The following ROBO2 variants were observed in gnomAD, a reference collection of about 807,000 sequenced individuals.
ROBO2 encodes roundabout homolog 2.
ROBO2 carries 53 observed loss-of-function variants against 160.8 expected under a neutral mutation model. The observed-to-expected ratio is 0.33, with a 90% confidence interval of 0.26 to 0.41. The LOEUF (loss-of-function observed/expected upper bound fraction) is 0.41. ROBO2 is among the 10% of genes least tolerant of loss of function. The pLI is 1.00. For synonymous variants in ROBO2, 664 were observed against 611.7 expected, an observed-to-expected ratio of 1.09 and a Z score of -1.26; for missense variants, 1,577 against 1,722.4, an observed-to-expected ratio of 0.92 and a Z score of 1.49.
intron 2 of ROBO2, among the ~76,000 whole-genome samples, chr3:76,212,593 A>G (rs543424479): frequency 2.0e-5 from 3 of 152,270 alleles, no homozygotes; most frequent in Non-Finnish European, 4.4e-5. Context: ...GTGTAAAAAA[A>G]TAGTGTCATT....
At chr3:76,089,642 A>G (rs2069148218) in intron 2 of ROBO2, among the ~76,000 whole-genome samples, 1 of 152,146 alleles carries the variant, frequency 6.6e-6, no homozygotes, top group Non-Finnish European at 1.5e-5. Flanking sequence ...CATTCATGAT[A>G]AATTCTTAGT....
intron 16 of ROBO2, among the ~76,000 whole-genome samples, chr3:77,581,339 CATTTTTCTTTGAT>C (rs890975713): frequency 1.3e-5 from 2 of 152,044 alleles, no homozygotes; most frequent in African/African-American, 4.8e-5. Context: ...TACAATTTAT[CATTTTTCTTTGAT>C]ATTTAGTGCT....
At chr3:76,359,728 A>C (rs1559819347) in intron 2 of ROBO2, among the ~76,000 whole-genome samples, 1 of 151,976 alleles carries the variant, frequency 6.6e-6, no homozygotes, top group Non-Finnish European at 1.5e-5. Flanking sequence ...CATTTGATTC[A>C]TATAGTATTC....
intron 2 of ROBO2, among the ~76,000 whole-genome samples, chr3:76,384,195 T>C (rs2076771785): frequency 6.6e-6 from 1 of 152,224 alleles, no homozygotes; most frequent in African/African-American, 2.4e-5. Flanking sequence ...GGTTTTCTTG[T>C]AATTATTACT....
rs552870394 is a variant in ROBO2 at position 77,460,129 on chromosome 3, A to G, written c.389-17285A>G. ...ATGTTGGTGACTCAGACAAAATGAC[A>G]GGGGCGGAAGTCAGGAAAATCGGGT... is the stretch of plus-strand genomic sequence containing the variant. On this transcript the variant is annotated intron_variant, in intron 2 of 25. Coordinates refer to ENST00000461745, the Ensembl canonical transcript of ROBO2. 4.4e-3 allele frequency among the ~76,000 whole-genome samples: 676 copies of G among 152,154 alleles called. 5 individuals carry two copies. The highest frequency in any genetic ancestry group is 0.017 in the Middle Eastern group (5 of 294).
intron 2 of ROBO2, among the ~76,000 whole-genome samples, chr3:76,550,749 A>T (rs374079969): frequency 1.3e-5 from 2 of 151,394 alleles, no homozygotes; most frequent in South Asian, 4.2e-4. Flanking sequence ...GCTGTGGCCA[A>T]ACCCAGGTGC....
chr3:77,132,874 C>T (rs1007860753), intron 2 of ROBO2, among the ~76,000 whole-genome samples: 2 of 152,054 alleles, frequency 1.3e-5, no homozygotes, highest in African/African-American at 4.8e-5. Context: ...TGAACATCTT[C>T]TACATGTTAG....
At chr3:76,545,613 C>T (rs1424509252) in intron 2 of ROBO2, among the ~76,000 whole-genome samples, 3 of 151,896 alleles carry the variant, frequency 2.0e-5, no homozygotes, top group Non-Finnish European at 4.4e-5. Context: ...TTAACTTTGA[C>T]TCTCGTGAAA....
At chr3:76,213,721 T>C (rs1237968645) in intron 2 of ROBO2, among the ~76,000 whole-genome samples, 1 of 152,112 alleles carries the variant, frequency 6.6e-6, no homozygotes, top group East Asian at 1.9e-4. Flanking sequence ...GTCAAAAAAC[T>C]TTTAGACTTT....
At chr3:76,885,005 G>T (rs376831700) in intron 2 of ROBO2, among the ~76,000 whole-genome samples, 2 of 151,992 alleles carry the variant, frequency 1.3e-5, no homozygotes, top group African/African-American at 2.4e-5. Flanking sequence ...GATTCAACTC[G>T]ATTAAATAAA....
chr3:77,397,789 A>G (rs1218693861), intron 2 of ROBO2, among the ~76,000 whole-genome samples: 4 of 152,162 alleles, frequency 2.6e-5, no homozygotes, highest in Admixed American at 2.0e-4. Context: ...TGCAAACTAT[A>G]TAATTTTTGT....
At chr3:77,103,876 A>T (rs1414890154) in intron 2 of ROBO2, among the ~76,000 whole-genome samples, 1 of 152,214 alleles carries the variant, frequency 6.6e-6, no homozygotes, top group African/African-American at 2.4e-5. Flanking sequence ...AATGAAGACA[A>T]GGTAAAGAGC....
At chr3:77,343,895 C>T (rs1325320848) in intron 2 of ROBO2, among the ~76,000 whole-genome samples, 2 of 152,084 alleles carry the variant, frequency 1.3e-5, no homozygotes, top group African/African-American at 4.8e-5. Context: ...GAAGAAAATA[C>T]AATGCTCTTA....
intron 2 of ROBO2, among the ~76,000 whole-genome samples, chr3:76,053,314 A>T (rs984133697): frequency 3.3e-5 from 5 of 152,074 alleles, no homozygotes; most frequent in Non-Finnish European, 4.4e-5. Flanking sequence ...GAGAAGTGCA[A>T]TGTTATTTCT....
chr3:77,188,968 T>TGTGTGTGTGTGTGTGTGTGTGTGTGAGA (rs550237793), intron 2 of ROBO2, among the ~76,000 whole-genome samples: 1 of 142,200 alleles, frequency 7.0e-6, no homozygotes, highest in Non-Finnish European at 1.6e-5. Context: ...TGTGTGTGTG[T>TGTGTGTGTGTGTGTGTGTGTGTGTGAGA]GAGAGAGAGA....
chr3:77,343,595 A>C (rs937086128), intron 2 of ROBO2, among the ~76,000 whole-genome samples: 1 of 152,142 alleles, frequency 6.6e-6, no homozygotes, highest in South Asian at 2.1e-4. Flanking sequence ...TCCTGACAAC[A>C]TTGTACCCTT....
At chr3:76,559,018 A>G (rs1270271707) in intron 2 of ROBO2, among the ~76,000 whole-genome samples, 1 of 152,128 alleles carries the variant, frequency 6.6e-6, no homozygotes, top group African/African-American at 2.4e-5. Flanking sequence ...TATCCAGGGT[A>G]ACATCCAGAA....
chr3:76,940,231 C>T (rs1255899956), intron 2 of ROBO2, among the ~76,000 whole-genome samples: 1 of 152,110 alleles, frequency 6.6e-6, no homozygotes, highest in Non-Finnish European at 1.5e-5. Flanking sequence ...ATCCGCCTGC[C>T]TCGGCCTCCC....
chr3:77,366,898 C>CCCCT (rs1553924926), intron 2 of ROBO2, among the ~76,000 whole-genome samples: 1 of 146,280 alleles, frequency 6.8e-6, no homozygotes, highest in African/African-American at 2.6e-5. Context: ...ACAGCACCCC[C>CCCCT]CCGACACTCA....
Sources: gnomAD v4.1 joint callset for allele counts (sites outside exome capture counted in the v4.1 genomes callset) on GRCh38, gnomAD v4.1.1 for gene constraint, MANE v1.5 for transcripts, NCBI Gene and HGNC (gene_info 2026-07-23, HGNC 2026-07-21) for gene names.